RBFOX1: variants seen among roughly 807,000 people sequenced by gnomAD.
The protein encoded by RBFOX1 is RNA binding fox-1 homolog 1.
A neutral mutation model predicts 57.7 loss-of-function variants in RBFOX1; 8 were observed. The ratio of observed to expected loss-of-function variants is 0.14; its 90% confidence interval spans 0.08 to 0.25. The LOEUF (loss-of-function observed/expected upper bound fraction) is 0.25. RBFOX1 is among the 10% of genes least tolerant of loss of function. The pLI is 1.00. For synonymous variants in RBFOX1, 326 were observed against 222.4 expected (o/e 1.47, Z -4.15); for missense variants, 611 against 548.5 (o/e 1.11, Z -1.14).
chr16:7,125,987 G>T (rs551169208), intron 4 of RBFOX1, among the ~76,000 whole-genome samples: 14 of 152,184 alleles, frequency 9.2e-5, no homozygotes, highest in Non-Finnish European at 1.8e-4. Context: ...GGAGGCTGAG[G>T]CAGGAGAATC....
chr16:6,400,407 T>C (rs1345781765), intron 2 of RBFOX1, among the ~76,000 whole-genome samples: 1 of 152,198 alleles, frequency 6.6e-6, no homozygotes, highest in African/African-American at 2.4e-5. Flanking sequence ...GACTGAATGA[T>C]GATATCTCAA....
chr16:5,848,219 A>G (rs2056805302), intron 3 of RBFOX1, among the ~76,000 whole-genome samples: 2 of 152,286 alleles, frequency 1.3e-5, no homozygotes, highest in South Asian at 4.2e-4. Flanking sequence ...TAAGGTGGAT[A>G]TCTTATCCAG....
At chr16:7,168,294 A>G (rs2079979371) in intron 4 of RBFOX1, among the ~76,000 whole-genome samples, 1 of 144,272 alleles carries the variant, frequency 6.9e-6, no homozygotes, top group South Asian at 2.2e-4. Flanking sequence ...TCAGCATGAA[A>G]TGGACCAAGG....
In RBFOX1 at chr16:5,383,181, G is replaced by A. The variant is rs376294791; in HGVS notation, c.220-84035G>A. ...AAAGCTATGGAGACACAGCCAACAA[G>A]TCTTCACTTACTGGTGGGGAAACAG... On this transcript the variant is annotated intron_variant, in intron 1 of 2. Coordinates refer to the RBFOX1 transcript ENST00000585867. Among the ~76,000 whole-genome samples the A allele has an allele frequency of 3.0e-4, 46 of 152,306 alleles. 2 individuals are homozygous for A. Among genetic ancestry groups the A allele is most frequent in the African/African-American group, 1.1e-3 (44 of 41,566 alleles).
chr16:5,591,281 C>G (rs1368379021), intron 2 of RBFOX1, among the ~76,000 whole-genome samples: 2 of 132,274 alleles, frequency 1.5e-5, no homozygotes, highest in Admixed American at 1.6e-4. Context: ...GACGGAGTTT[C>G]TCTTTTGTTA....
At chr16:6,205,141 C>T (rs758298544) in intron 1 of RBFOX1, among the ~76,000 whole-genome samples, 6 of 152,086 alleles carry the variant, frequency 3.9e-5, no homozygotes, top group Non-Finnish European at 8.8e-5. Flanking sequence ...GCTTAAATTG[C>T]ATTAGTGTGC....
At chr16:7,509,613 T>C (rs2074442407) in intron 4 of RBFOX1, among the ~76,000 whole-genome samples, 1 of 152,192 alleles carries the variant, frequency 6.6e-6, no homozygotes, top group South Asian at 2.1e-4. Flanking sequence ...TTTCAAAATC[T>C]TCCAAGTCAT....
At chr16:6,779,709 A>C (rs1357492865) in intron 3 of RBFOX1, among the ~76,000 whole-genome samples, 1 of 117,880 alleles carries the variant, frequency 8.5e-6, no homozygotes, top group Non-Finnish European at 1.6e-5. Flanking sequence ...TTATATATAT[A>C]TTTATATATA....
chr16:5,834,605 G>T (rs139787697), intron 3 of RBFOX1, among the ~76,000 whole-genome samples: 8 of 151,580 alleles, frequency 5.3e-5, no homozygotes, highest in Admixed American at 2.6e-4. Flanking sequence ...TAGATAGATA[G>T]ATAGATAGAT....
intron 3 of RBFOX1, among the ~76,000 whole-genome samples, chr16:5,826,190 C>G (rs1295327744): frequency 6.7e-6 from 1 of 148,658 alleles, no homozygotes; most frequent in African/African-American, 2.5e-5. Flanking sequence ...TATAATATTT[C>G]TTATAGTAAT....
intron 4 of RBFOX1, among the ~76,000 whole-genome samples, chr16:7,336,937 A>G (rs767826528): frequency 1.3e-5 from 2 of 152,290 alleles, no homozygotes; most frequent in East Asian, 3.9e-4. Flanking sequence ...CTGTAGGAAT[A>G]TTTATGTGTT....
At chr16:5,705,553 T>G (rs1393641846) in intron 3 of RBFOX1, among the ~76,000 whole-genome samples, 1 of 152,188 alleles carries the variant, frequency 6.6e-6, no homozygotes, top group African/African-American at 2.4e-5. Flanking sequence ...AACATTGACA[T>G]TAGTACACAC....
At chr16:6,186,921 C>G (rs961004601) in intron 1 of RBFOX1, among the ~76,000 whole-genome samples, 1 of 152,146 alleles carries the variant, frequency 6.6e-6, no homozygotes, top group African/African-American at 2.4e-5. Context: ...TCAATACTCT[C>G]GTGGTTCAAG....
intron 1 of RBFOX1, among the ~76,000 whole-genome samples, chr16:6,227,434 G>C (rs1020316061): frequency 1.3e-5 from 2 of 152,132 alleles, no homozygotes; most frequent in African/African-American, 2.4e-5. Flanking sequence ...GGTCCATCTA[G>C]AGCAAAAACA....
At position 5,401,819 on chromosome 16, in the gene RBFOX1, G is replaced by T. The variant is rs147251281; in HGVS notation, c.220-65397G>T. Among the ~76,000 whole-genome samples the T allele has an allele frequency of 2.2e-5, 3 of 136,224 alleles. No homozygotes were observed. The East Asian group carries it at 7.1e-4, about 32-fold the overall frequency. 89.4% of individuals were successfully genotyped at this position (136,224 alleles called of 152,430 possible). On this transcript the variant is annotated intron_variant, in intron 1 of 2. Transcript: ENST00000585867. ...CTTTCTCCTCCTCCTTCTCCTTCTC[G>T]TGCTGCTGCTTCCTCATCATCATTT...
Position 6,859,133 on chromosome 16 carries a change from A to ATG in RBFOX1, c.-15-192923_-15-192922insGT, listed in dbSNP as rs1567592234. On this transcript the variant is annotated intron_variant, in intron 3 of 15. Transcript: ENST00000550418. ...AGTGTATATATATATATATATACAT[A>ATG]TATATACGTATATATATATGTATAT... Among the ~76,000 whole-genome samples, 13 of 103,502 alleles carry ATG rather than the reference A, an allele frequency of 1.3e-4. 1 individual carries two copies. The highest frequency in any genetic ancestry group is 4.8e-4 in the African/African-American group (11 of 23,054). 67.9% of individuals were successfully genotyped at this position (103,502 alleles called of 152,430 possible). A position where few individuals can be genotyped will look rare whatever the true frequency, so the allele number is the denominator to read the frequency against.
chr16:6,437,390 A>C (rs959406103), intron 2 of RBFOX1, among the ~76,000 whole-genome samples: 1 of 152,176 alleles, frequency 6.6e-6, no homozygotes, highest in Non-Finnish European at 1.5e-5. Context: ...TTGAAAACCA[A>C]TTTGGATCTT....
chr16:6,438,105 A>T (rs947893494), intron 2 of RBFOX1, among the ~76,000 whole-genome samples: 1 of 152,200 alleles, frequency 6.6e-6, no homozygotes, highest in African/African-American at 2.4e-5. Flanking sequence ...TGTCTCATCA[A>T]AGACCTTGCT....
chr16:7,292,551 C>T (rs912856417), intron 4 of RBFOX1, among the ~76,000 whole-genome samples: 4 of 145,868 alleles, frequency 2.7e-5, no homozygotes, highest in African/African-American at 1.0e-4. Flanking sequence ...CACACACACA[C>T]ACAAATATAT....
Sources: allele counts gnomAD v4.1 joint callset (sites outside exome capture counted in the v4.1 genomes callset), GRCh38; gene constraint gnomAD v4.1.1; transcripts MANE v1.5; gene names NCBI Gene and HGNC (gene_info 2026-07-23, HGNC 2026-07-21).